Variants in LDB2 observed in about 807,000 individuals in gnomAD.
The protein encoded by LDB2 is LIM domain-binding protein 2.
LDB2 carries 12 observed loss-of-function variants against 44.3 expected under a neutral mutation model. That is an observed-to-expected ratio of 0.27 (90% confidence interval 0.17 to 0.44). The LOEUF is 0.44. Among genes scored for constraint, LDB2 ranks in the 20% least tolerant of loss-of-function variants. LDB2 has a pLI of 1.00. For synonymous variants in LDB2, 164 were observed against 174.8 expected (o/e 0.94, Z 0.49); for missense variants, 344 against 473.5 (o/e 0.73, Z 2.54).
At chr4:16,520,646 G>A (rs1156638074) in intron 5 of LDB2, among the ~76,000 whole-genome samples, 1 of 152,184 alleles carries the variant, frequency 6.6e-6, no homozygotes, top group African/African-American at 2.4e-5. Context: ...TCAGGCAGAG[G>A]AGAGTGGCGG....
intron 1 of LDB2, among the ~76,000 whole-genome samples, chr4:16,856,493 GGTAA>G (rs1186836172): frequency 6.6e-6 from 1 of 152,054 alleles, no homozygotes; most frequent in Non-Finnish European, 1.5e-5. Context: ...AAAACCACGC[GGTAA>G]ATATCAATAT....
chr4:16,737,076 A>G (rs1762051702), intron 2 of LDB2, among the ~76,000 whole-genome samples: 1 of 152,182 alleles, frequency 6.6e-6, no homozygotes, highest in Non-Finnish European at 1.5e-5. Flanking sequence ...TTGTAACAAT[A>G]ACTGCTGCTG....
chr4:16,820,822 G>C (rs1781813727), intron 1 of LDB2, among the ~76,000 whole-genome samples: 1 of 152,052 alleles, frequency 6.6e-6, no homozygotes, highest in Non-Finnish European at 1.5e-5. Context: ...AAAATGGTCC[G>C]ACAATATTTC....
chr4:16,541,513 C>T (rs138885739), intron 5 of LDB2, among the ~76,000 whole-genome samples: 13 of 152,232 alleles, frequency 8.5e-5, no homozygotes, highest in East Asian at 1.9e-4. Context: ...TTCTTAATAG[C>T]GATGCAAGAA....
chr4:16,604,405 C>A (rs1723360671), intron 2 of LDB2, among the ~76,000 whole-genome samples: 1 of 151,388 alleles, frequency 6.6e-6, no homozygotes, highest in African/African-American at 2.4e-5. Flanking sequence ...TTTCTCCTTA[C>A]CTATATATAG....
intron 1 of LDB2, among the ~76,000 whole-genome samples, chr4:16,783,198 T>C (rs1009550607): frequency 6.6e-6 from 1 of 152,216 alleles, no homozygotes; most frequent in African/African-American, 2.4e-5. Context: ...TGGGATGATG[T>C]CAGCAGGACA....
chr4:16,517,115 C>T (rs1339136688), intron 5 of LDB2, among the ~76,000 whole-genome samples: 1 of 152,136 alleles, frequency 6.6e-6, no homozygotes. Flanking sequence ...CCCTTAGTTG[C>T]TAGTCAAATC....
intron 2 of LDB2, among the ~76,000 whole-genome samples, chr4:16,672,410 A>T (rs1386570410): frequency 6.6e-6 from 1 of 152,202 alleles, no homozygotes; most frequent in Non-Finnish European, 1.5e-5. Context: ...CTGAAAGTTC[A>T]TTGGCACCAT....
At chr4:16,777,916 C>T (rs1772303492) in intron 1 of LDB2, among the ~76,000 whole-genome samples, 1 of 152,172 alleles carries the variant, frequency 6.6e-6, no homozygotes, top group Admixed American at 6.5e-5. Context: ...CTTACCAACG[C>T]CTGACTGGGA....
At chr4:16,704,303 T>G (rs79561344) in intron 2 of LDB2, among the ~76,000 whole-genome samples, 2,769 of 152,330 alleles carry the variant, frequency 0.018, 34 homozygotes, top group Non-Finnish European at 0.027. Flanking sequence ...TTAACCAGGG[T>G]TATTTTATTT....
intron 1 of LDB2, among the ~76,000 whole-genome samples, chr4:16,812,760 AG>A (rs1404339097): frequency 1.3e-5 from 2 of 151,680 alleles, no homozygotes; most frequent in African/African-American, 4.8e-5. Flanking sequence ...GATTAATTAA[AG>A]AGAACAAGAA....
intron 2 of LDB2, among the ~76,000 whole-genome samples, chr4:16,647,556 G>T (rs1737130592): frequency 6.6e-6 from 1 of 152,052 alleles, no homozygotes; most frequent in Admixed American, 6.5e-5. Context: ...CAAGGCAGTG[G>T]GTCCCAAGTT....
At chr4:16,832,693 G>A (rs207707) in intron 1 of LDB2, among the ~76,000 whole-genome samples, 95,806 of 151,968 alleles carry the variant, frequency 0.63, 30,313 homozygotes, top group Middle Eastern at 0.72. Flanking sequence ...TTTGAGCTGC[G>A]TGTTAACAAT....
At chr4:16,790,404 A>T (rs1775452976) in intron 1 of LDB2, among the ~76,000 whole-genome samples, 1 of 152,268 alleles carries the variant, frequency 6.6e-6, no homozygotes, top group Non-Finnish European at 1.5e-5. Context: ...TATTGAAGCA[A>T]ATATAGAAAC....
chr4:16,597,598 T>A (rs1283797709), intron 2 of LDB2, among the ~76,000 whole-genome samples: 2 of 152,178 alleles, frequency 1.3e-5, no homozygotes, highest in Non-Finnish European at 2.9e-5. Context: ...ATTTGACAAT[T>A]TGGGATTCAT....
intron 5 of LDB2, among the ~76,000 whole-genome samples, chr4:16,561,473 C>T (rs371852475): frequency 1.3e-5 from 2 of 152,022 alleles, no homozygotes; most frequent in African/African-American, 2.4e-5. Context: ...TCACAATTGC[C>T]TCAAAGAGAA....
At chr4:16,786,263 G>T (rs1387597076) in intron 1 of LDB2, among the ~76,000 whole-genome samples, 1 of 152,146 alleles carries the variant, frequency 6.6e-6, no homozygotes, top group Non-Finnish European at 1.5e-5. Context: ...AGTTTCCAGG[G>T]AGACTCATTA....
chr4:16,759,048 T>G, intron 2 of LDB2, 110 bp downstream of exon 2: 2 of 655,718 alleles, frequency 3.1e-6, no homozygotes, highest in Non-Finnish European at 2.7e-6. Context: ...TTCTCAGGAG[T>G]GGAGGTATTA....
chr4:16,649,401 G>C (rs901430436), intron 2 of LDB2, among the ~76,000 whole-genome samples: 11 of 146,630 alleles, frequency 7.5e-5, no homozygotes, highest in Non-Finnish European at 1.7e-4. Flanking sequence ...TGGCATATGA[G>C]AGAGAGAGAG....
Sources: allele counts gnomAD v4.1 joint callset (sites outside exome capture counted in the v4.1 genomes callset), GRCh38; gene constraint gnomAD v4.1.1; transcripts MANE v1.5; gene names NCBI Gene and HGNC (gene_info 2026-07-23, HGNC 2026-07-21).